The following STX18 variants were observed in gnomAD, a reference collection of about 807,000 sequenced individuals.
The protein encoded by STX18 is syntaxin-18.
In STX18, 40 loss-of-function variants were observed where a neutral mutation model predicts 50.1. That is an observed-to-expected ratio of 0.80 (90% CI 0.62 to 1.04). The LOEUF (loss-of-function observed/expected upper bound fraction) is 1.04. Among genes scored for constraint, STX18 ranks in the 50% least tolerant of loss-of-function variants. The probability of loss-of-function intolerance (pLI) is 0.00; values close to 1 mark genes in which losing one functional copy is unlikely to be tolerated. For missense variants in STX18, 410 were observed against 415.8 expected (o/e 0.99, Z 0.12); for synonymous variants, 158 against 151.8 (o/e 1.04, Z -0.30).
Position 4,457,225 on chromosome 4 carries a change from T to C in STX18, c.463A>G (p.Ile155Val), listed in dbSNP as rs939623817. 1 of 1,614,178 alleles carries C rather than the reference T, an allele frequency of 6.2e-7. No homozygotes were observed. Among genetic ancestry groups the C allele is most frequent in the Non-Finnish European group, 8.5e-7 (1 of 1,180,002 alleles). The change falls in exon 5 of 11, where the codon ATC (isoleucine) becomes GTC (valine). Residue 155 changes from isoleucine (I) to valine (V), a missense_variant. By Grantham distance (29) the Ile-to-Val change is conservative. Transcript: ENST00000306200. ...TTATCCACCACTCTTTTAACTCGGA[T>C]GGCTCTCTGTTCTGAGTAAAGTTTA... Reference protein sequence around the residue: ...VCKLYSEQRAIRVKRVVDKKR... With the variant: ...VCKLYSEQRAVRVKRVVDKKR...
At chr4:4,534,412 ACCT>A (rs1390941161) in intron 1 of STX18, among the ~76,000 whole-genome samples, 1 of 151,856 alleles carries the variant, frequency 6.6e-6, no homozygotes, top group Admixed American at 6.6e-5. Context: ...AAATTATTCT[ACCT>A]CCTCCTCTTT....
chr4:4,507,213 T>C (rs1248640934), intron 1 of STX18: 9 of 609,724 alleles, frequency 1.5e-5, no homozygotes, highest in African/African-American at 1.3e-4. Flanking sequence ...CAGTCAGCCA[T>C]GCAATTATGA....
intron 2 of STX18, among the ~76,000 whole-genome samples, chr4:4,460,627 T>C (rs1473925596): frequency 1.3e-5 from 2 of 151,770 alleles, no homozygotes; most frequent in African/African-American, 4.8e-5. Flanking sequence ...TAAGGAAGAG[T>C]TGGAAAAAGA....
At chr4:4,492,109 T>C (rs745630488) in intron 1 of STX18, among the ~76,000 whole-genome samples, 2 of 152,124 alleles carry the variant, frequency 1.3e-5, no homozygotes, top group Non-Finnish European at 2.9e-5. Context: ...GCTTCTCTTA[T>C]AGGGAGCTGT....
chr4:4,436,216 C>CA (rs1299072579), intron 6 of STX18, among the ~76,000 whole-genome samples: 3 of 151,760 alleles, frequency 2.0e-5, no homozygotes, highest in Non-Finnish European at 4.4e-5. Context: ...TATATCTTTA[C>CA]AAAAAAAACT....
At chr4:4,519,976 A>G (rs993743801) in intron 1 of STX18, among the ~76,000 whole-genome samples, 1 of 152,240 alleles carries the variant, frequency 6.6e-6, no homozygotes, top group African/African-American at 2.4e-5. Context: ...TGCAGTAATA[A>G]CAGTAAAACA....
intron 1 of STX18, among the ~76,000 whole-genome samples, chr4:4,540,340 A>T (rs10516166): frequency 0.068 from 10,294 of 152,230 alleles, 525 homozygotes; most frequent in African/African-American, 0.14. Flanking sequence ...AATGATACAC[A>T]AAGCCCTTTA....
At chr4:4,441,362 G>A (rs1205468797) in intron 5 of STX18, among the ~76,000 whole-genome samples, 1 of 152,104 alleles carries the variant, frequency 6.6e-6, no homozygotes, top group Non-Finnish European at 1.5e-5. Flanking sequence ...GCTATTCTAA[G>A]TATCACAAAT....
chr4:4,460,985 G>C (rs956228731), intron 2 of STX18, among the ~76,000 whole-genome samples: 5 of 152,114 alleles, frequency 3.3e-5, no homozygotes. Flanking sequence ...AGAGGCTAAC[G>C]GGGTCAGGGA....
At chr4:4,497,661 T>C (rs865775466) in intron 1 of STX18, among the ~76,000 whole-genome samples, 4 of 152,332 alleles carry the variant, frequency 2.6e-5, no homozygotes, top group Middle Eastern at 6.8e-3. Flanking sequence ...ATCCCTCAGC[T>C]AGTACATAGC....
At chr4:4,464,636 C>T (rs1262455801) in intron 2 of STX18, among the ~76,000 whole-genome samples, 1 of 152,172 alleles carries the variant, frequency 6.6e-6, no homozygotes, top group Non-Finnish European at 1.5e-5. Context: ...TACCTGTTTG[C>T]AGTAGTTTCA....
chr4:4,447,767 CTAT>C (rs1334703995), intron 5 of STX18, among the ~76,000 whole-genome samples: 2 of 152,092 alleles, frequency 1.3e-5, no homozygotes, highest in African/African-American at 2.4e-5. Context: ...GCTGCTGCTG[CTAT>C]TATTACTGTG....
intron 1 of STX18, among the ~76,000 whole-genome samples, chr4:4,484,770 G>T (rs1728628304): frequency 6.6e-6 from 1 of 152,170 alleles, no homozygotes; most frequent in Admixed American, 6.5e-5. Context: ...CAATAGGCTG[G>T]AAAGACATGG....
chr4:4,501,965 T>C (rs888059764), intron 1 of STX18, among the ~76,000 whole-genome samples: 4 of 152,202 alleles, frequency 2.6e-5, no homozygotes, highest in Non-Finnish European at 4.4e-5. Flanking sequence ...AAAAGGCAAC[T>C]GAAAATCTGT....
Position 4,520,312 on chromosome 4 carries a change from C to T in STX18, c.168+21485G>A, listed in dbSNP as rs375260632. 4.6e-5 allele frequency among the ~76,000 whole-genome samples: 7 copies of T among 152,230 alleles called. No individual in the cohort carries two copies. The East Asian group carries it at 1.2e-3, about 25-fold the overall frequency. On this transcript the variant is annotated intron_variant, in intron 1 of 10. Coordinates refer to ENST00000306200, the MANE Select transcript of STX18 (RefSeq NM_016930.4). ...ATTCCAGGAGAATATGGCAGTGATT[C>T]GATTAAATCTGTTAAGACACTGTAC...
intron 1 of STX18, among the ~76,000 whole-genome samples, chr4:4,529,556 A>G (rs2108920627): frequency 6.6e-6 from 1 of 152,334 alleles, no homozygotes; most frequent in East Asian, 1.9e-4. Flanking sequence ...TGGTCTGTGG[A>G]ATGCCAAGTG....
intron 2 of STX18, among the ~76,000 whole-genome samples, chr4:4,464,406 A>G (rs544462871): frequency 6.6e-6 from 1 of 152,314 alleles, no homozygotes; most frequent in East Asian, 1.9e-4. Context: ...CATCTGCTCG[A>G]TAAATATTTA....
intron 1 of STX18, among the ~76,000 whole-genome samples, chr4:4,523,929 T>C (rs78575416): frequency 6.6e-6 from 1 of 152,194 alleles, no homozygotes; most frequent in African/African-American, 2.4e-5. Context: ...TCTCCTGTTA[T>C]GCCCTCTCCC....
intron 1 of STX18, among the ~76,000 whole-genome samples, chr4:4,489,199 T>C (rs1728828287): frequency 1.3e-5 from 2 of 152,024 alleles, no homozygotes; most frequent in Non-Finnish European, 2.9e-5. Context: ...AAATGCAGAG[T>C]ATGCTGGCCT....
Sources: gnomAD v4.1 joint callset for allele counts (sites outside exome capture counted in the v4.1 genomes callset) on GRCh38, gnomAD v4.1.1 for gene constraint, MANE v1.5 for transcripts, NCBI Gene and HGNC (gene_info 2026-07-23, HGNC 2026-07-21) for gene names.